Variants in PAK2 observed in about 807,000 individuals in gnomAD.
PAK2 encodes serine/threonine-protein kinase PAK 2.
In PAK2, 21 loss-of-function variants were observed where a neutral mutation model predicts 65.9. The observed-to-expected ratio is 0.32, with a 90% confidence interval of 0.23 to 0.46. The LOEUF is 0.46. Among genes scored for constraint, PAK2 ranks in the 20% least tolerant of loss-of-function variants. The pLI is 1.00. For synonymous variants in PAK2, 204 were observed against 219.7 expected, an observed-to-expected ratio of 0.93 and a Z score of 0.63; for missense variants, 324 against 642.6, an observed-to-expected ratio of 0.50 and a Z score of 5.36.
chr3:196,782,563 C>A, intron 1 of PAK2, 63 bp from the exon 2 acceptor site: 2 of 728,720 alleles, frequency 2.7e-6, no homozygotes, highest in Non-Finnish European at 4.6e-6. Flanking sequence ...GTAGTTATTA[C>A]TGTTTTTTGC....
intron 1 of PAK2, among the ~76,000 whole-genome samples, chr3:196,740,877 G>A (rs1713169322): frequency 6.7e-6 from 1 of 150,348 alleles, no homozygotes; most frequent in South Asian, 2.1e-4. Flanking sequence ...AACACAAAAC[G>A]TTGCCACTCA....
chr3:196,757,347 C>CAA (rs1393358181), intron 1 of PAK2, among the ~76,000 whole-genome samples: 1 of 152,090 alleles, frequency 6.6e-6, no homozygotes, highest in Non-Finnish European at 1.5e-5. Flanking sequence ...AAATGGAGGG[C>CAA]AATACTGGTT....
intron 10 of PAK2, among the ~76,000 whole-genome samples, 185 bp downstream of exon 10, chr3:196,813,036 C>A (rs1715878599): frequency 6.6e-6 from 1 of 152,066 alleles, no homozygotes; most frequent in South Asian, 2.1e-4. Flanking sequence ...AAGGACATCA[C>A]TTGGCAGGTG....
chr3:196,808,117 A>G, intron 7 of PAK2: 1 of 437,320 alleles, frequency 2.3e-6, no homozygotes, highest in Non-Finnish European at 4.1e-6. Context: ...CAGGAGATCA[A>G]GACCAGCCTG....
chr3:196,823,435 A>G (rs1711718466), intron 13 of PAK2, among the ~76,000 whole-genome samples: 2 of 152,066 alleles, frequency 1.3e-5, no homozygotes, highest in African/African-American at 2.4e-5. Context: ...CCTCAGTGAG[A>G]TCGGTAAAAT....
intron 1 of PAK2, among the ~76,000 whole-genome samples, chr3:196,757,249 A>T (rs2108716265): frequency 6.6e-6 from 1 of 152,294 alleles, no homozygotes; most frequent in Admixed American, 6.5e-5. Flanking sequence ...GTCAGGACAG[A>T]GCAGGTGACT....
chr3:196,828,727 A>G lies in PAK2; in HGVS notation c.*322A>G, dbSNP rs1711967039. ...TGCTGACTTTGTTGTAATAGATCCC[A>G]TTCATTGTCCCCTTTGGGGTATTTC... On this transcript the variant is annotated 3_prime_UTR_variant, in exon 15 of 15. Coordinates refer to ENST00000327134, the MANE Select transcript of PAK2 (RefSeq NM_002577.4). The G allele has an allele frequency of 1.1e-5, 3 of 263,760 alleles. No individual in the cohort carries two copies. The highest frequency in any genetic ancestry group is 2.3e-5 in the African/African-American group (1 of 43,252). 16.3% of individuals were successfully genotyped at this position (263,760 alleles called of 1,614,324 possible). A position where few individuals can be genotyped will look rare whatever the true frequency, so the allele number is the denominator to read the frequency against.
intron 2 of PAK2, among the ~76,000 whole-genome samples, chr3:196,795,425 C>A (rs1356350216): frequency 6.6e-6 from 1 of 152,092 alleles, no homozygotes; most frequent in Non-Finnish European, 1.5e-5. Context: ...TGAGATCGCA[C>A]CACTGCACTC....
intron 1 of PAK2, among the ~76,000 whole-genome samples, chr3:196,754,912 A>G (rs1430454647): frequency 6.6e-6 from 1 of 152,206 alleles, no homozygotes; most frequent in East Asian, 1.9e-4. Context: ...TGATTCTTCA[A>G]AGCCGACTCT....
At chr3:196,761,121 G>A (rs905774400) in intron 1 of PAK2, among the ~76,000 whole-genome samples, 1 of 148,040 alleles carries the variant, frequency 6.8e-6, no homozygotes, top group African/African-American at 2.5e-5. Context: ...CCGGCTACTC[G>A]GTAAGGCTGA....
At chr3:196,819,423 A>G (rs567254723) in intron 12 of PAK2, among the ~76,000 whole-genome samples, 104 of 152,340 alleles carry the variant, frequency 6.8e-4, no homozygotes, top group Non-Finnish European at 1.3e-3. Flanking sequence ...CGTGGGCAAC[A>G]GAGTGAAACC....
chr3:196,760,811 C>T (rs902590717), intron 1 of PAK2, among the ~76,000 whole-genome samples: 7 of 152,154 alleles, frequency 4.6e-5, no homozygotes, highest in Admixed American at 2.0e-4. Flanking sequence ...ATTTATGAGT[C>T]GTGATTCAAA....
At chr3:196,827,702 T>C (rs1044715218) in intron 14 of PAK2, among the ~76,000 whole-genome samples, 2 of 151,962 alleles carry the variant, frequency 1.3e-5, no homozygotes, top group African/African-American at 4.8e-5. Context: ...TGTGTACATA[T>C]GTAACAAACC....
At chr3:196,758,397 G>A (rs1227261232) in intron 1 of PAK2, among the ~76,000 whole-genome samples, 1 of 152,256 alleles carries the variant, frequency 6.6e-6, no homozygotes, top group African/African-American at 2.4e-5. Context: ...AGTTCATTCT[G>A]GTTTGTCCAC....
intron 2 of PAK2, among the ~76,000 whole-genome samples, chr3:196,788,546 A>G (rs940734258): frequency 6.6e-6 from 1 of 152,152 alleles, no homozygotes; most frequent in Non-Finnish European, 1.5e-5. Context: ...TGTGTGTACT[A>G]TGTGAATAAT....
At chr3:196,758,575 G>A (rs1304312824) in intron 1 of PAK2, among the ~76,000 whole-genome samples, 2 of 152,246 alleles carry the variant, frequency 1.3e-5, no homozygotes, top group Admixed American at 6.5e-5. Context: ...GATGATGCAC[G>A]CACTGTTGGG....
At position 196,800,790 on chromosome 3, in the gene PAK2, T is replaced by TAC. The variant is rs567428634; in HGVS notation, c.188-1136_188-1135insCA. The stretch of plus-strand genomic sequence containing the variant: ...ACTGGAAATGCTGAGGGTTCCAACT[T>TAC]ATATATATATAAAATTAGTGAAGAA... On this transcript the variant is annotated intron_variant, in intron 2 of 14. Coordinates refer to ENST00000327134, the MANE Select transcript of PAK2 (RefSeq NM_002577.4). Among the ~76,000 whole-genome samples, 30 of 152,100 alleles carry TAC rather than the reference T, an allele frequency of 2.0e-4. 1 individual carries two copies. The South Asian group carries it at 4.6e-3, about 23-fold the overall frequency.
At position 196,806,671 on chromosome 3, in the gene PAK2, G is replaced by C. The variant is rs190858822; in HGVS notation, c.561G>C (p.Pro187=). 1.9e-6 allele frequency: 3 copies of C among 1,600,884 alleles called. No homozygotes were observed. The South Asian group carries it at 3.3e-5, about 18-fold the overall frequency. ...ETAPPVIAPR[P]DHTKSIYTRS... ...CTCCTCCCGTTATTGCCCCGCGACC[G>C]GATCATACGAAATCAGTGAGTCTCC... The change falls in exon 6 of 15, where the codon CCG becomes CCC. Residue 187 remains proline, a synonymous_variant. Coordinates refer to ENST00000327134, the MANE Select transcript of PAK2 (RefSeq NM_002577.4).
intron 3 of PAK2, 106 bp from the exon 4 acceptor site, chr3:196,802,909 TAC>T (rs1715463860): frequency 1.5e-6 from 1 of 664,526 alleles, no homozygotes; most frequent in Non-Finnish European, 2.4e-6. Context: ...TACTCAAACC[TAC>T]ACTCAAAAGA....
Sources: gnomAD v4.1 joint callset for allele counts (sites outside exome capture counted in the v4.1 genomes callset) on GRCh38, gnomAD v4.1.1 for gene constraint, MANE v1.5 for transcripts, NCBI Gene and HGNC (gene_info 2026-07-23, HGNC 2026-07-21) for gene names.